The following RNASE4 variants were observed in gnomAD, a reference collection of about 807,000 sequenced individuals.
RNASE4 encodes the protein ribonuclease 4.
For synonymous variants in RNASE4, 93 were observed against 71.4 expected (o/e 1.30, Z -1.52); for missense variants, 194 against 192.8 (o/e 1.01, Z -0.04).
intron 1 of RNASE4, among the ~76,000 whole-genome samples, chr14:20,694,578 G>C (rs1887013048): frequency 6.6e-6 from 1 of 152,046 alleles, no homozygotes; most frequent in African/African-American, 2.4e-5. Context: ...GGGATTACAG[G>C]CATGAGCCAC....
intron 1 of RNASE4, chr14:20,693,963 T>C (rs1374228628): frequency 6.2e-7 from 1 of 1,613,984 alleles, no homozygotes; most frequent in Non-Finnish European, 8.5e-7. Flanking sequence ...CTTGTGAAAA[T>C]GGCTTACCTG....
intron 1 of RNASE4, among the ~76,000 whole-genome samples, chr14:20,687,860 G>A (rs1285064619): frequency 6.6e-6 from 1 of 152,130 alleles, no homozygotes; most frequent in African/African-American, 2.4e-5. Flanking sequence ...CAGCTAGGTG[G>A]GTGACAACAG....
chr14:20,685,480 C>T (rs866251913), intron 1 of RNASE4, among the ~76,000 whole-genome samples: 2 of 152,134 alleles, frequency 1.3e-5, no homozygotes, highest in Admixed American at 6.5e-5. Context: ...ACCCAAGGGA[C>T]ATCATTATCT....
intron 1 of RNASE4, among the ~76,000 whole-genome samples, chr14:20,692,994 C>T (rs556366661): frequency 6.6e-6 from 1 of 151,890 alleles, no homozygotes; most frequent in East Asian, 1.9e-4. Context: ...ACTACAGGCG[C>T]CCGCCACTAC....
chr14:20,687,801 C>A (rs1052068412), intron 1 of RNASE4, among the ~76,000 whole-genome samples: 4 of 152,204 alleles, frequency 2.6e-5, no homozygotes, highest in African/African-American at 7.2e-5. Context: ...TAGCAGGCAG[C>A]CTGTCTTTTC....
At chr14:20,686,442 T>C (rs1000870343) in intron 1 of RNASE4, among the ~76,000 whole-genome samples, 3 of 152,218 alleles carry the variant, frequency 2.0e-5, no homozygotes, top group Non-Finnish European at 4.4e-5. Flanking sequence ...GATAAAAAAG[T>C]GGACCAATGA....
intron 1 of RNASE4, among the ~76,000 whole-genome samples, chr14:20,690,307 TGACA>T (rs1430950251): frequency 1.3e-5 from 2 of 150,224 alleles, no homozygotes; most frequent in African/African-American, 2.5e-5. Context: ...GACAAAAAGC[TGACA>T]GACAGTTACG....
chr14:20,694,778 A>G (rs551047752), intron 1 of RNASE4, among the ~76,000 whole-genome samples: 1 of 152,302 alleles, frequency 6.6e-6, no homozygotes, highest in South Asian at 2.1e-4. Flanking sequence ...ATAAGCTAAT[A>G]TTACTTCTAC....
Position 20,699,851 on chromosome 14 carries a change from C to A in RNASE4, c.*36C>A. 1.3e-6 allele frequency: 2 copies of A among 1,567,852 alleles called. No homozygotes were observed. The highest frequency in any genetic ancestry group is 8.7e-7 in the Non-Finnish European group (1 of 1,142,918). On this transcript the variant is annotated 3_prime_UTR_variant, in exon 2 of 2. Transcript: ENST00000555835. The stretch of plus-strand genomic sequence containing the variant: ...GTAGGGATTATCGCGAGTGGTTGAC[C>A]TTACACTTACTCCTTAAATAGCAGT...
intron 1 of RNASE4, chr14:20,698,750 T>C (rs1204774094): frequency 6.6e-6 from 1 of 152,054 alleles, no homozygotes; most frequent in Non-Finnish European, 1.5e-5. Context: ...ATTAGAATAA[T>C]AGCCACATGA....
Position 20,699,911 on chromosome 14 carries a change from C to T in RNASE4, c.*96C>T. On this transcript the variant is annotated 3_prime_UTR_variant, in exon 2 of 2. Coordinates refer to ENST00000555835, the MANE Select transcript of RNASE4 (RefSeq NM_002937.5). ...ATTTGAGCTGTCCCAGGCTCTGTCT[C>T]CTCAGCTCATTTCCTACTCTTTTTC... is the stretch of plus-strand genomic sequence containing the variant. 1 of 1,036,058 alleles carries T rather than the reference C, an allele frequency of 9.7e-7. No homozygotes were observed. Among genetic ancestry groups the T allele is most frequent in the Non-Finnish European group, 1.5e-6 (1 of 683,722 alleles). 64.2% of individuals were successfully genotyped at this position (1,036,058 alleles called of 1,614,324 possible).
rs143519313 is a variant in RNASE4, at chr14:20,699,812, T to A, written c.441T>A (p.Gly147=). ...GNPQVPVHFD[G] ...CACAGGTGCCTGTGCACTTTGACGG[T>A]TAGATGCCACCATGTAGGGATTATC... The change falls in exon 2 of 2, where the codon GGT becomes GGA. Residue 147 remains glycine, a synonymous_variant. Transcript: ENST00000555835. 6.2e-7 allele frequency: 1 copy of A among 1,612,354 alleles called. No homozygotes were observed. The highest frequency in any genetic ancestry group is 8.5e-7 in the Non-Finnish European group (1 of 1,179,582).
chr14:20,692,984 A>G (rs1415527399), intron 1 of RNASE4, among the ~76,000 whole-genome samples: 1 of 151,340 alleles, frequency 6.6e-6, no homozygotes, highest in African/African-American at 2.4e-5. Context: ...AGTAGCTGGG[A>G]CTACAGGCGC....
intron 1 of RNASE4, among the ~76,000 whole-genome samples, chr14:20,691,804 A>G (rs1886765189): frequency 6.6e-6 from 1 of 152,246 alleles, no homozygotes. Flanking sequence ...TCAACACCAA[A>G]TGCAAATTAG....
chr14:20,692,814 C>T (rs904892953), intron 1 of RNASE4, among the ~76,000 whole-genome samples: 1 of 152,172 alleles, frequency 6.6e-6, no homozygotes, highest in African/African-American at 2.4e-5. Context: ...CCATGGATGC[C>T]TCATTTCCTA....
intron 1 of RNASE4, among the ~76,000 whole-genome samples, chr14:20,689,880 C>T (rs12434011): frequency 0.045 from 6,460 of 142,980 alleles, 171 homozygotes; most frequent in Middle Eastern, 0.079. Flanking sequence ...AGCACCACTG[C>T]GATCTAGCCT....
At chr14:20,693,991 A>G in intron 1 of RNASE4, 3 of 1,613,768 alleles carry the variant, frequency 1.9e-6, no homozygotes, top group Non-Finnish European at 2.5e-6. Flanking sequence ...GGATCAGTCA[A>G]TTTTCCGTCG....
At chr14:20,692,576 C>A (rs542587461) in intron 1 of RNASE4, among the ~76,000 whole-genome samples, 46 of 152,310 alleles carry the variant, frequency 3.0e-4, no homozygotes, top group Middle Eastern at 3.4e-3. Flanking sequence ...TGTGCGGGAT[C>A]CAGATTGTGC....
intron 1 of RNASE4, among the ~76,000 whole-genome samples, chr14:20,695,520 C>T (rs1887062854): frequency 6.6e-6 from 1 of 152,152 alleles, no homozygotes; most frequent in Non-Finnish European, 1.5e-5. Context: ...ATACACTGTT[C>T]AATCTACAGA....
Sources: gnomAD v4.1 joint callset for allele counts (sites outside exome capture counted in the v4.1 genomes callset) on GRCh38, gnomAD v4.1.1 for gene constraint, MANE v1.5 for transcripts, NCBI Gene and HGNC (gene_info 2026-07-23, HGNC 2026-07-21) for gene names.